QPCT: variants seen among roughly 807,000 people sequenced by gnomAD.
QPCT encodes the protein EC.
A neutral mutation model predicts 43.4 loss-of-function variants in QPCT; 44 were observed. The ratio of observed to expected loss-of-function variants is 1.01; its 90% CI spans 0.80 to 1.30. The LOEUF (loss-of-function observed/expected upper bound fraction) is 1.30. Ranked by LOEUF, QPCT falls within the 50% of genes most tolerant of loss-of-function variation. The pLI is 0.00. For synonymous variants in QPCT, 168 were observed against 168.4 expected, an observed-to-expected ratio of 1.00 and a Z score of 0.02; for missense variants, 526 against 436.5, an observed-to-expected ratio of 1.21 and a Z score of -1.83.
intron 2 of QPCT, among the ~76,000 whole-genome samples, chr2:37,355,961 C>T (rs533343394): frequency 1.3e-5 from 2 of 151,946 alleles, no homozygotes; most frequent in Non-Finnish European, 2.9e-5. Context: ...AGGAGGAGCC[C>T]GAGGGACTCA....
chr2:37,368,865 A>G lies in QPCT; in HGVS notation c.724-820A>G, dbSNP rs1029502821. Reference sequence around the variant, plus strand: ...ATTTTTTTCCAGAAACAAACCCTTAATAGATTAACCAACCTTGTGAATATG... The same window carrying G: ...ATTTTTTTCCAGAAACAAACCCTTAGTAGATTAACCAACCTTGTGAATATG... On this transcript the variant is annotated intron_variant, in intron 4 of 6. Coordinates refer to ENST00000338415, the MANE Select transcript of QPCT (RefSeq NM_012413.4). 2.6e-5 allele frequency among the ~76,000 whole-genome samples: 4 copies of G among 152,352 alleles called. No individual in the cohort carries two copies. The South Asian group carries it at 8.3e-4, about 32-fold the overall frequency.
At chr2:37,348,791 C>T (rs1225698818) in intron 1 of QPCT, among the ~76,000 whole-genome samples, 1 of 152,166 alleles carries the variant, frequency 6.6e-6, no homozygotes, top group Non-Finnish European at 1.5e-5. Context: ...TGTAACAGAG[C>T]CTCATTCCTC....
intron 4 of QPCT, chr2:37,368,502 C>G: frequency 2.3e-6 from 1 of 437,740 alleles, no homozygotes; most frequent in South Asian, 1.7e-5. Context: ...TCCCAGCACC[C>G]CCGCTTATTC....
In QPCT at chr2:37,359,603, G is replaced by T. The variant is rs747814238; in HGVS notation, c.291G>T (p.Arg97Ser). Residue 97 changes from arginine to serine, a missense_variant, in exon 3 of 7, where the codon AGG becomes AGT. Transcript: ENST00000338415. ...AGCACATCATGCAGCGAATTCAGAG[G>T]CTTCAGGCTGACTGGGTCTTGGAAA... is the stretch of plus-strand genomic sequence containing the variant. ...ARQHIMQRIQRLQADWVLEID... is the reference protein window; with the variant it reads ...ARQHIMQRIQSLQADWVLEID... The T allele has an allele frequency of 2.5e-6, 4 of 1,613,936 alleles. No individual in the cohort carries two copies. Among genetic ancestry groups the T allele is most frequent in the Non-Finnish European group, 3.4e-6 (4 of 1,179,996 alleles).
chr2:37,351,446 T>A (rs1315261219), intron 1 of QPCT, among the ~76,000 whole-genome samples: 1 of 152,226 alleles, frequency 6.6e-6, no homozygotes, highest in Non-Finnish European at 1.5e-5. Flanking sequence ...AATACAAATT[T>A]GAATGTTATG....
rs776316210 is a variant in QPCT at position 37,352,905 on chromosome 2, G to A, written c.237G>A (p.Pro79=). Reference sequence around the variant, plus strand: ...AGCCATTGCTGATAGAGCGATACCCGGGATCCCCTGGAAGCTATGCTGCTC... The same window carrying A: ...AGCCATTGCTGATAGAGCGATACCCAGGATCCCCTGGAAGCTATGCTGCTC... The part of the protein sequence containing the change: ...DLQPLLIERY[P]GSPGSYAARQ... The change falls in exon 2 of 7, where the codon CCG becomes CCA. Residue 79 remains proline (P), a synonymous_variant. Transcript: ENST00000338415. The A allele has an allele frequency of 6.2e-6, 10 of 1,613,796 alleles. No homozygotes were observed. The Admixed American group carries it at 1.0e-4, about 16-fold the overall frequency.
chr2:37,368,463 C>A (rs1437820078), intron 4 of QPCT: 2 of 382,608 alleles, frequency 5.2e-6, no homozygotes, highest in Non-Finnish European at 1.1e-5. Context: ...CTCCCTGACG[C>A]TCACCCCATC....
rs1672649881 is a variant in QPCT at position 37,352,799 on chromosome 2, A to G, written c.131A>G (p.Gln44Arg). The G allele has an allele frequency of 6.2e-7, 1 of 1,613,980 alleles. No homozygotes were observed. The highest frequency in any genetic ancestry group is 8.5e-7 in the Non-Finnish European group (1 of 1,179,826). Reference sequence around the variant, plus strand: ...TCATTCAATCCTCAGAATTACCACCAGCCAGCCATTTTGAATTCATCGGCT... The same window carrying G: ...TCATTCAATCCTCAGAATTACCACCGGCCAGCCATTTTGAATTCATCGGCT... The part of the protein sequence containing the change: ...SAWPEEKNYH[Q>R]PAILNSSALR... The change falls in exon 2 of 7, where the codon CAG (glutamine) becomes CGG (arginine). Residue 44 changes from glutamine (Q) to arginine (R), a missense_variant. Coordinates refer to ENST00000338415, the MANE Select transcript of QPCT (RefSeq NM_012413.4).
Position 37,372,909 on chromosome 2 carries a change from C to T in QPCT, c.*82C>T. The T allele has an allele frequency of 7.9e-7, 1 of 1,271,174 alleles. No homozygotes were observed. 78.7% of individuals were successfully genotyped at this position (1,271,174 alleles called of 1,614,324 possible). A position where few individuals can be genotyped will look rare whatever the true frequency, so the allele number is the denominator to read the frequency against. ...TCATTTAAAATAATCTGATTTCAGA[C>T]AAATGCTGTGTGGAAACATCTATCC... is the stretch of plus-strand genomic sequence containing the variant. On this transcript the variant is annotated 3_prime_UTR_variant, in exon 7 of 7. Transcript: ENST00000338415.
chr2:37,361,887 T>C (rs1672863553), intron 3 of QPCT, among the ~76,000 whole-genome samples: 2 of 152,198 alleles, frequency 1.3e-5, no homozygotes. Flanking sequence ...AGTGTTACCA[T>C]GAAGACCTTC....
chr2:37,348,606 C>T (rs1418446780), intron 1 of QPCT, among the ~76,000 whole-genome samples: 1 of 152,210 alleles, frequency 6.6e-6, no homozygotes, highest in South Asian at 2.1e-4. Flanking sequence ...CCTCAAAACC[C>T]TTTGCAAGCT....
In QPCT at chr2:37,344,699, C is replaced by T. The variant is rs951895581; in HGVS notation, c.-33C>T. 1.6e-5 allele frequency: 26 copies of T among 1,578,494 alleles called. 1 individual carries two copies. In the African/African-American group the frequency reaches 3.3e-4, roughly 20 times the overall value. ...TCCCGGGCTCGTGACCGCCAGCGGC[C>T]CGGGGAACCCGCTCCCAGACAGACT... On this transcript the variant is annotated 5_prime_UTR_variant, in exon 1 of 7. Transcript: ENST00000338415.
intron 3 of QPCT, among the ~76,000 whole-genome samples, chr2:37,362,949 G>C (rs1436657862): frequency 6.6e-6 from 1 of 151,836 alleles, no homozygotes; most frequent in Non-Finnish European, 1.5e-5. Context: ...ATATTTTTCT[G>C]GAGAAATTGA....
At chr2:37,358,772 G>C (rs1672800331) in intron 2 of QPCT, 1 of 152,230 alleles carries the variant, frequency 6.6e-6, no homozygotes, top group Admixed American at 6.5e-5. Flanking sequence ...CAGAGGGAAA[G>C]CTGCTTGATA....
At chr2:37,360,486 G>A (rs1205407394) in intron 3 of QPCT, among the ~76,000 whole-genome samples, 4 of 152,108 alleles carry the variant, frequency 2.6e-5, no homozygotes. Flanking sequence ...TTGGAAAAAA[G>A]TGCTAAACTA....
chr2:37,369,887 C>T (rs1444073914), intron 5 of QPCT, 103 bp downstream of exon 5: 2 of 1,065,676 alleles, frequency 1.9e-6, no homozygotes, highest in African/African-American at 1.6e-5. Context: ...CGCAGTGGCT[C>T]ACACCTGTAA....
chr2:37,344,633 C>T lies in QPCT; in HGVS notation c.-99C>T, dbSNP rs1053073921. 4.8e-6 allele frequency: 7 copies of T among 1,465,384 alleles called. No individual in the cohort carries two copies. Among genetic ancestry groups the T allele is most frequent in the Non-Finnish European group, 5.4e-6 (6 of 1,104,770 alleles). 90.8% of individuals were successfully genotyped at this position (1,465,384 alleles called of 1,614,324 possible). A position where few individuals can be genotyped will look rare whatever the true frequency, so the allele number is the denominator to read the frequency against. On this transcript the variant is annotated 5_prime_UTR_variant, in exon 1 of 7. Transcript: ENST00000338415. Reference sequence around the variant, plus strand: ...GGGGCGATGGGAAGGCGGGCGCAGTCGACCCAAGGGTGGAGAAGAGGGAAG... The same window carrying T: ...GGGGCGATGGGAAGGCGGGCGCAGTTGACCCAAGGGTGGAGAAGAGGGAAG...
intron 3 of QPCT, among the ~76,000 whole-genome samples, chr2:37,360,944 A>T (rs1022754912): frequency 3.9e-5 from 6 of 152,188 alleles, no homozygotes; most frequent in Admixed American, 3.9e-4. Context: ...TGACTTGAAG[A>T]CATTGTTCTG....
chr2:37,351,258 A>G (rs1327581606), intron 1 of QPCT, among the ~76,000 whole-genome samples: 1 of 152,224 alleles, frequency 6.6e-6, no homozygotes, highest in African/African-American at 2.4e-5. Flanking sequence ...AAATAATTCA[A>G]TATTCTTATG....
Sources: gnomAD v4.1 joint callset for allele counts (sites outside exome capture counted in the v4.1 genomes callset) on GRCh38, gnomAD v4.1.1 for gene constraint, MANE v1.5 for transcripts, NCBI Gene and HGNC (gene_info 2026-07-23, HGNC 2026-07-21) for gene names.